Variants in ACYP2 observed in about 807,000 individuals in gnomAD.
ACYP2 encodes the protein acylphosphatase-2.
A neutral mutation model predicts 11.2 loss-of-function variants in ACYP2; 12 were observed. That is an observed-to-expected ratio of 1.08 (90% CI 0.69 to 1.74). The LOEUF is 1.74. Ranked by LOEUF, ACYP2 falls within the 40% of genes most tolerant of loss-of-function variation. The probability of loss-of-function intolerance (pLI) is 0.00; values close to 1 mark genes in which losing one functional copy is unlikely to be tolerated. For synonymous variants in ACYP2, 43 were observed against 32.2 expected (o/e 1.33, Z -1.13); for missense variants, 134 against 101.9 (o/e 1.31, Z -1.35).
In ACYP2 at chr2:54,200,556, G is replaced by T. The variant is rs527731620; in HGVS notation, c.404+61808G>T. 6.6e-5 allele frequency among the ~76,000 whole-genome samples: 10 copies of T among 152,178 alleles called. No homozygotes were observed. In the East Asian group the frequency reaches 1.9e-3, roughly 29 times the overall value. On this transcript the variant is annotated intron_variant, in intron 6 of 6. Coordinates refer to ENST00000607452, the MANE Select transcript of ACYP2 (RefSeq NM_001320586.2). ...TCTGGCTTCTTTCACTGAGGATAATGTTTTCAAGGTTTATTCATGTAGTAG... is the reference window on the plus strand; with the variant it reads ...TCTGGCTTCTTTCACTGAGGATAATTTTTTCAAGGTTTATTCATGTAGTAG...
intron 2 of ACYP2, among the ~76,000 whole-genome samples, chr2:54,030,056 C>A (rs1334373271): frequency 6.6e-6 from 1 of 152,148 alleles, no homozygotes; most frequent in African/African-American, 2.4e-5. Context: ...AGGTTATGAG[C>A]CCAAGACCAG....
At chr2:54,199,802 C>T (rs577920520) in intron 6 of ACYP2, among the ~76,000 whole-genome samples, 1 of 152,324 alleles carries the variant, frequency 6.6e-6, no homozygotes, top group African/African-American at 2.4e-5. Flanking sequence ...AGCCTGACTT[C>T]AGAGTCAGTG....
At chr2:54,245,504 G>A (rs1686907973) in intron 6 of ACYP2, among the ~76,000 whole-genome samples, 1 of 146,920 alleles carries the variant, frequency 6.8e-6, no homozygotes, top group Non-Finnish European at 1.5e-5. Context: ...CAGTGTGTAA[G>A]TGTTTCCTTT....
At chr2:54,050,046 G>A (rs57220223) in intron 2 of ACYP2, among the ~76,000 whole-genome samples, 13,862 of 152,180 alleles carry the variant, frequency 0.091, 900 homozygotes, top group East Asian at 0.26. Context: ...GTGTATTTCT[G>A]TGTACAGCAA....
At chr2:54,256,032 A>T in intron 6 of ACYP2, 1 of 1,614,138 alleles carries the variant, frequency 6.2e-7, no homozygotes, top group Non-Finnish European at 8.5e-7. Context: ...AGCGGCCATC[A>T]AACATATCTG....
rs75813019 is a variant in ACYP2, at chr2:54,161,176, G to C, written c.404+22428G>C. Among the ~76,000 whole-genome samples the C allele has an allele frequency of 8.3e-4, 127 of 152,270 alleles. 1 individual carries two copies. The East Asian group carries it at 0.024, about 29-fold the overall frequency. Reference sequence around the variant, plus strand: ...CTAAACTAGAGCAATGGATGCTTAAGGGTGAAAGACAGCTTGGAGATCACC... The same window carrying C: ...CTAAACTAGAGCAATGGATGCTTAACGGTGAAAGACAGCTTGGAGATCACC... On this transcript the variant is annotated intron_variant, in intron 6 of 6. Transcript: ENST00000607452.
intron 6 of ACYP2, chr2:54,256,201 T>C (rs376961788): frequency 4.5e-6 from 7 of 1,545,674 alleles, no homozygotes; most frequent in Non-Finnish European, 4.4e-6. Context: ...CAGAGGTAGG[T>C]AGCGTCAACG....
At chr2:54,122,663 G>A (rs963674369) in intron 4 of ACYP2, among the ~76,000 whole-genome samples, 13 of 152,200 alleles carry the variant, frequency 8.5e-5, no homozygotes, top group Non-Finnish European at 1.9e-4. Flanking sequence ...CTGTTGTGCA[G>A]TATGCTTCAT....
At chr2:54,151,906 C>G (rs1473437212) in intron 6 of ACYP2, among the ~76,000 whole-genome samples, 1 of 151,900 alleles carries the variant, frequency 6.6e-6, no homozygotes, top group Non-Finnish European at 1.5e-5. Context: ...AATTAATAGA[C>G]TTTCTTTTTT....
intron 4 of ACYP2, among the ~76,000 whole-genome samples, chr2:54,126,995 A>G (rs972803030): frequency 1.3e-5 from 2 of 151,862 alleles, no homozygotes; most frequent in East Asian, 1.9e-4. Context: ...AGTATATTAC[A>G]GTGAAAGATT....
At chr2:54,010,916 A>T (rs1412274850) in intron 2 of ACYP2, among the ~76,000 whole-genome samples, 1 of 151,516 alleles carries the variant, frequency 6.6e-6, no homozygotes. Context: ...TGATCTGCCT[A>T]CCTTGGCTTC....
At position 54,297,832 on chromosome 2, in the gene ACYP2, T is replaced by TA. The variant is rs1321679966; in HGVS notation, c.405-6853dup. On this transcript the variant is annotated intron_variant, in intron 6 of 6. Transcript: ENST00000607452. ...AACTATAAAATTTTAGTGAGAAACT[T>TA]AAAGACTTGAGCAAAACTGGAGAAA... 3.3e-5 allele frequency among the ~76,000 whole-genome samples: 5 copies of TA among 152,200 alleles called. No individual in the cohort carries two copies. In the East Asian group the frequency reaches 9.6e-4, roughly 29 times the overall value.
At chr2:54,108,505 GAT>G (rs2103714026) in intron 4 of ACYP2, among the ~76,000 whole-genome samples, 1 of 152,336 alleles carries the variant, frequency 6.6e-6, no homozygotes, top group South Asian at 2.1e-4. Flanking sequence ...CTCTTCCCCG[GAT>G]AGGCTCCTTG....
intron 6 of ACYP2, among the ~76,000 whole-genome samples, chr2:54,289,943 A>G (rs1376544005): frequency 1.3e-5 from 2 of 152,002 alleles, no homozygotes; most frequent in Admixed American, 1.3e-4. Flanking sequence ...ACACAGCCAA[A>G]CAGTCGTCTT....
At chr2:54,266,877 G>A (rs1371391601) in intron 6 of ACYP2, among the ~76,000 whole-genome samples, 3 of 151,900 alleles carry the variant, frequency 2.0e-5, no homozygotes, top group African/African-American at 7.3e-5. Context: ...CCAAAGTGCT[G>A]GGATTACAGG....
chr2:54,076,730 G>T (rs1677363286), intron 4 of ACYP2, among the ~76,000 whole-genome samples: 1 of 152,068 alleles, frequency 6.6e-6, no homozygotes, highest in African/African-American at 2.4e-5. Flanking sequence ...GAGAGAGAGA[G>T]GGTACAGCAG....
At chr2:54,114,089 T>C (rs575111461) in intron 4 of ACYP2, among the ~76,000 whole-genome samples, 2 of 152,120 alleles carry the variant, frequency 1.3e-5, no homozygotes, top group South Asian at 4.1e-4. Context: ...TGGTGTTCTC[T>C]AATAGAATTG....
chr2:54,153,661 G>A (rs370770101), intron 6 of ACYP2, among the ~76,000 whole-genome samples: 25 of 149,888 alleles, frequency 1.7e-4, no homozygotes, highest in South Asian at 8.5e-4. Flanking sequence ...GTGCAGTGGC[G>A]TGATCTCGGC....
intron 4 of ACYP2, among the ~76,000 whole-genome samples, chr2:54,091,464 C>G (rs1024031045): frequency 2.6e-5 from 4 of 151,818 alleles, no homozygotes; most frequent in Non-Finnish European, 5.9e-5. Flanking sequence ...TCAAGTCCCT[C>G]TTAGAGCACA....
Sources: allele counts gnomAD v4.1 joint callset (sites outside exome capture counted in the v4.1 genomes callset), GRCh38; gene constraint gnomAD v4.1.1; transcripts MANE v1.5; gene names NCBI Gene and HGNC (gene_info 2026-07-23, HGNC 2026-07-21).